TAFA2: variants seen among roughly 807,000 people sequenced by gnomAD.
The protein encoded by TAFA2 is TAFA chemokine like family member 2.
Under a neutral mutation model 18.8 loss-of-function variants are expected in TAFA2, and 7 were observed. That is an observed-to-expected ratio of 0.37 (90% CI 0.21 to 0.70). The LOEUF is 0.70. TAFA2 is among the 30% of genes least tolerant of loss of function. The pLI is 0.53. For synonymous variants in TAFA2, 60 were observed against 54.2 expected, an observed-to-expected ratio of 1.11 and a Z score of -0.47; for missense variants, 122 against 158.1, an observed-to-expected ratio of 0.77 and a Z score of 1.23.
intron 1 of TAFA2, among the ~76,000 whole-genome samples, chr12:62,084,440 G>A (rs1868375615): frequency 6.6e-6 from 1 of 152,136 alleles, no homozygotes; most frequent in African/African-American, 2.4e-5. Flanking sequence ...CAAGAAGGAG[G>A]GAAGGGTCTC....
intron 1 of TAFA2, among the ~76,000 whole-genome samples, chr12:62,008,271 A>C (rs1477733459): frequency 6.6e-6 from 1 of 152,124 alleles, no homozygotes; most frequent in Non-Finnish European, 1.5e-5. Flanking sequence ...CCTTTTGATC[A>C]TGTATTTTAA....
intron 1 of TAFA2, among the ~76,000 whole-genome samples, chr12:62,038,595 T>C (rs891547803): frequency 6.6e-6 from 1 of 152,094 alleles, no homozygotes; most frequent in Non-Finnish European, 1.5e-5. Flanking sequence ...CATACTTTGG[T>C]AAGCAAGGGG....
chr12:61,895,691 G>C (rs572782255), intron 1 of TAFA2, among the ~76,000 whole-genome samples: 19 of 152,276 alleles, frequency 1.2e-4, no homozygotes, highest in Admixed American at 7.9e-4. Flanking sequence ...TCTTCAGAGA[G>C]TGAACGTTTT....
rs543493310 is a variant in TAFA2, at chr12:62,249,513, G to A, written c.-130+9250C>T. On this transcript the variant is annotated intron_variant, in intron 1 of 5. Coordinates refer to the TAFA2 transcript ENST00000551619. ...AAAAGAGCCTGGCACCTCTCCCCAC[G>A]CTCTCCCACTTTTCCTCTCTCACCA... is the stretch of plus-strand genomic sequence containing the variant. Among the ~76,000 whole-genome samples, 6 of 152,092 alleles carry A rather than the reference G, an allele frequency of 3.9e-5. No individual in the cohort carries two copies. The East Asian group carries it at 5.8e-4, about 15-fold the overall frequency.
intron 1 of TAFA2, among the ~76,000 whole-genome samples, chr12:61,965,097 A>G (rs1879023502): frequency 6.6e-6 from 1 of 151,890 alleles, no homozygotes; most frequent in Admixed American, 6.6e-5. Flanking sequence ...TATGAAATGT[A>G]TGTTTGTGAC....
intron 1 of TAFA2, among the ~76,000 whole-genome samples, chr12:61,950,950 G>C (rs1387483634): frequency 1.3e-5 from 2 of 152,136 alleles, no homozygotes; most frequent in Non-Finnish European, 2.9e-5. Flanking sequence ...TTATAGGAAA[G>C]GTAGAGTCTT....
chr12:61,734,073 T>G (rs1319019471), intron 4 of TAFA2, among the ~76,000 whole-genome samples: 1 of 149,172 alleles, frequency 6.7e-6, no homozygotes, highest in South Asian at 2.2e-4. Flanking sequence ...GGCTCTCTGT[T>G]TGTCTGTTAT....
At chr12:62,248,062 G>C (rs2062895311) in intron 1 of TAFA2, among the ~76,000 whole-genome samples, 1 of 152,182 alleles carries the variant, frequency 6.6e-6, no homozygotes, top group Non-Finnish European at 1.5e-5. Flanking sequence ...ATTGAAAGGT[G>C]AGGAGAGCAG....
At chr12:61,904,333 T>G (rs1435807777) in intron 1 of TAFA2, among the ~76,000 whole-genome samples, 6 of 152,082 alleles carry the variant, frequency 3.9e-5, no homozygotes, top group Admixed American at 6.6e-5. Context: ...CAAAAACTCA[T>G]GTATTTAAGA....
intron 2 of TAFA2, among the ~76,000 whole-genome samples, chr12:61,831,760 T>C (rs561715430): frequency 2.3e-4 from 35 of 152,208 alleles, no homozygotes; most frequent in African/African-American, 7.9e-4. Flanking sequence ...TGCAGGTTTG[T>C]TACATATGTA....
At chr12:61,778,614 G>A (rs1870373139) in intron 2 of TAFA2, among the ~76,000 whole-genome samples, 1 of 151,876 alleles carries the variant, frequency 6.6e-6, no homozygotes, top group South Asian at 2.1e-4. Context: ...TCAGGGAAAA[G>A]ACAAACACTG....
At chr12:61,817,580 T>C (rs1872136258) in intron 2 of TAFA2, among the ~76,000 whole-genome samples, 1 of 152,130 alleles carries the variant, frequency 6.6e-6, no homozygotes, top group African/African-American at 2.4e-5. Flanking sequence ...CCAAAGGTTA[T>C]CTTAAAGTTA....
chr12:62,240,279 C>T lies in TAFA2; in HGVS notation c.-130+18484G>A, dbSNP rs192835559. 2.5e-3 allele frequency among the ~76,000 whole-genome samples: 383 copies of T among 151,692 alleles called. 1 individual carries two copies. Among genetic ancestry groups the T allele is most frequent in the Middle Eastern group, 0.017 (5 of 294 alleles). On this transcript the variant is annotated intron_variant, in intron 1 of 5. Transcript: ENST00000551619. ...ATTAAAAATACAAAAATTAGCTGGG[C>T]GTGATGGTGTGCACCTGTAATCCCA...
chr12:62,250,445 GTTTTA>G (rs1450509752), intron 1 of TAFA2, among the ~76,000 whole-genome samples: 2 of 151,828 alleles, frequency 1.3e-5, no homozygotes, highest in Non-Finnish European at 1.5e-5. Context: ...TGTATGACTT[GTTTTA>G]TTTTTATTGT....
At chr12:62,123,781 T>C (rs11614737) in intron 1 of TAFA2, among the ~76,000 whole-genome samples, 22,768 of 132,862 alleles carry the variant, frequency 0.17, 2,064 homozygotes, top group East Asian at 0.32. Context: ...ACCACACACA[T>C]ACACACACAC....
intron 1 of TAFA2, among the ~76,000 whole-genome samples, chr12:61,914,145 G>A (rs1443884596): frequency 6.6e-6 from 1 of 152,112 alleles, no homozygotes; most frequent in African/African-American, 2.4e-5. Context: ...CACACTTGTA[G>A]GTGATGCCCT....
At chr12:61,718,412 C>T (rs1869754921) in intron 4 of TAFA2, among the ~76,000 whole-genome samples, 1 of 152,150 alleles carries the variant, frequency 6.6e-6, no homozygotes, top group Non-Finnish European at 1.5e-5. Context: ...CTTTAAAAAA[C>T]ATTTGTTAAG....
At chr12:62,139,085 GAGA>G (rs2062220270) in intron 1 of TAFA2, among the ~76,000 whole-genome samples, 2 of 152,258 alleles carry the variant, frequency 1.3e-5, no homozygotes, top group South Asian at 2.1e-4. Context: ...GGGAGAGGAT[GAGA>G]AGAAGAATCC....
At chr12:62,018,520 C>T (rs1043462877) in intron 1 of TAFA2, among the ~76,000 whole-genome samples, 10 of 152,108 alleles carry the variant, frequency 6.6e-5, no homozygotes, top group East Asian at 3.8e-4. Flanking sequence ...CTATCTGCCA[C>T]GTATCTACAA....
Sources: gnomAD v4.1 joint callset for allele counts (sites outside exome capture counted in the v4.1 genomes callset) on GRCh38, gnomAD v4.1.1 for gene constraint, MANE v1.5 for transcripts, NCBI Gene and HGNC (gene_info 2026-07-23, HGNC 2026-07-21) for gene names.